TC2N: variants seen among roughly 807,000 people sequenced by gnomAD.
The protein encoded by TC2N is tandem C2 domains nuclear protein.
Under a neutral mutation model 61.9 loss-of-function variants are expected in TC2N, and 51 were observed. That is an observed-to-expected ratio of 0.82 (90% confidence interval 0.66 to 1.04). The LOEUF (loss-of-function observed/expected upper bound fraction) is 1.04. Ranked by LOEUF, TC2N falls within the 50% of genes least tolerant of loss-of-function variation. TC2N has a pLI of 0.00. For missense variants in TC2N, 556 were observed against 566.7 expected (o/e 0.98, Z 0.19); for synonymous variants, 204 against 192.6 (o/e 1.06, Z -0.49).
At chr14:91,846,617 C>G (rs909490138) in intron 1 of TC2N, among the ~76,000 whole-genome samples, 1 of 152,204 alleles carries the variant, frequency 6.6e-6, no homozygotes, top group Non-Finnish European at 1.5e-5. Context: ...AGCATCCTCG[C>G]TTTGATTCCA....
At chr14:91,836,820 G>C (rs192547286) in intron 1 of TC2N, among the ~76,000 whole-genome samples, 34 of 152,320 alleles carry the variant, frequency 2.2e-4, no homozygotes, top group Admixed American at 2.0e-3. Context: ...GCGGTAGGAG[G>C]GGGAAGAGAG....
At chr14:91,797,601 A>G (rs1885959968) in intron 8 of TC2N, among the ~76,000 whole-genome samples, 184 bp downstream of exon 8, 1 of 151,960 alleles carries the variant, frequency 6.6e-6, no homozygotes, top group South Asian at 2.1e-4. Flanking sequence ...ATGCATCTTA[A>G]TACTAGACAA....
intron 1 of TC2N, among the ~76,000 whole-genome samples, chr14:91,814,769 G>T (rs183079294): frequency 7.6e-4 from 116 of 151,726 alleles, no homozygotes; most frequent in African/African-American, 2.6e-3. Flanking sequence ...AAGAGAAATA[G>T]GTTGAATAGC....
chr14:91,802,439 T>C lies in TC2N; in HGVS notation c.302-18A>G. 1.2e-6 allele frequency: 2 copies of C among 1,607,396 alleles called. No homozygotes were observed. The highest frequency in any genetic ancestry group is 1.7e-6 in the Non-Finnish European group (2 of 1,177,640). On this transcript the variant is annotated intron_variant, in intron 3 of 11. Coordinates refer to ENST00000435962, the MANE Select transcript of TC2N (RefSeq NM_001128596.3). ...GGCAGATCCTGAAAGCAAATGTTTCTAAAAGTTTATAACATCCTTTTCTTG... is the reference window on the plus strand; with the variant it reads ...GGCAGATCCTGAAAGCAAATGTTTCCAAAAGTTTATAACATCCTTTTCTTG...
chr14:91,867,416 C>G lies in TC2N; in HGVS notation c.-211G>C, dbSNP rs1401333851. On this transcript the variant is annotated 5_prime_UTR_variant, in exon 1 of 12. Coordinates refer to ENST00000435962, the MANE Select transcript of TC2N (RefSeq NM_001128596.3). ...GCTCACTGCTGCCTTCTGGCCTTTG[C>G]TTTTCGGAGCCGAGCTGAGTGAGTC... 1 of 152,180 alleles carries G rather than the reference C, an allele frequency of 6.6e-6. No individual in the cohort carries two copies. The highest frequency in any genetic ancestry group is 6.5e-5 in the Admixed American group (1 of 15,284). 9.4% of individuals were successfully genotyped at this position (152,180 alleles called of 1,614,324 possible). A position where few individuals can be genotyped will look rare whatever the true frequency, so the allele number is the denominator to read the frequency against.
chr14:91,834,871 T>C (rs1466011109), intron 1 of TC2N, among the ~76,000 whole-genome samples: 1 of 152,162 alleles, frequency 6.6e-6, no homozygotes, highest in African/African-American at 2.4e-5. Context: ...CTTCTTACAC[T>C]ATACTTACTT....
chr14:91,858,983 C>T (rs1051494366), intron 1 of TC2N, among the ~76,000 whole-genome samples: 4 of 152,154 alleles, frequency 2.6e-5, no homozygotes, highest in African/African-American at 4.8e-5. Context: ...AACAGCCAAA[C>T]GAAGATGAAA....
At chr14:91,806,498 G>A (rs1308739203) in intron 3 of TC2N, among the ~76,000 whole-genome samples, 1 of 152,174 alleles carries the variant, frequency 6.6e-6, no homozygotes, top group African/African-American at 2.4e-5. Context: ...TAGAGATGAG[G>A]AACTTGTTGG....
intron 8 of TC2N, among the ~76,000 whole-genome samples, chr14:91,797,230 T>A (rs1885942203): frequency 6.6e-6 from 1 of 152,094 alleles, no homozygotes; most frequent in African/African-American, 2.4e-5. Context: ...ACTTTTTATA[T>A]GTTTATTAGT....
chr14:91,850,317 A>G (rs1213016379), intron 1 of TC2N, among the ~76,000 whole-genome samples: 1 of 152,176 alleles, frequency 6.6e-6, no homozygotes. Context: ...AAAGCCTAGG[A>G]CAGTATAGTA....
chr14:91,855,350 G>T (rs1009740069), intron 1 of TC2N, among the ~76,000 whole-genome samples: 2 of 152,312 alleles, frequency 1.3e-5, no homozygotes, highest in East Asian at 1.9e-4. Flanking sequence ...CAAAATCAAG[G>T]AGTCAGCAGG....
At chr14:91,858,155 T>C (rs67511381) in intron 1 of TC2N, among the ~76,000 whole-genome samples, 34 of 40,602 alleles carry the variant, frequency 8.4e-4, no homozygotes, top group South Asian at 1.1e-3. Context: ...TCTTCTTCTT[T>C]TTTTTTTTTT....
Position 91,837,848 on chromosome 14 carries a change from GT to G in TC2N, c.-56-24024del. Among the ~76,000 whole-genome samples, 1 of 152,302 alleles carries G rather than the reference GT, an allele frequency of 6.6e-6. No individual in the cohort carries two copies. Among genetic ancestry groups the G allele is most frequent in the East Asian group, 1.9e-4 (1 of 5,178 alleles). On this transcript the variant is annotated intron_variant, in intron 1 of 11. Transcript: ENST00000435962. The surrounding 1 kb of genome is among the most constrained non-coding windows in gnomAD (Gnocchi z 4.2). ...GGCCTGTTTCCAATCTTGGGCATTA[GT>G]GTTTCAACAAACACTTTGAAAACCA...
At chr14:91,787,962 T>G (rs772187380) in intron 9 of TC2N, among the ~76,000 whole-genome samples, 1 of 152,046 alleles carries the variant, frequency 6.6e-6, no homozygotes, top group South Asian at 2.1e-4. Context: ...GAATACACTT[T>G]CAAAACAACT....
chr14:91,820,423 T>C (rs1887192386), intron 1 of TC2N, among the ~76,000 whole-genome samples: 1 of 151,770 alleles, frequency 6.6e-6, no homozygotes, highest in African/African-American at 2.4e-5. Flanking sequence ...CCAATATTCG[T>C]GATAAAAATA....
rs377422447 is a variant in TC2N, at chr14:91,792,439, T to G, written c.975A>C (p.Ser325=). 44 of 1,611,168 alleles carry G rather than the reference T, an allele frequency of 2.7e-5. No individual in the cohort carries two copies. Among genetic ancestry groups the G allele is most frequent in the Non-Finnish European group, 3.3e-5 (39 of 1,178,132 alleles). ...TPRKKTIGEC[S]MSLRTLSTQE... is the part of the protein sequence containing the mutation. ...GTGTGCTAAGGGTTCTGAGTGACATTGAGCATTCTCCAATGGTTTTCTTCC... is the reference window on the plus strand; with the variant it reads ...GTGTGCTAAGGGTTCTGAGTGACATGGAGCATTCTCCAATGGTTTTCTTCC... Residue 325 remains serine, a synonymous_variant, in exon 9 of 12, where the codon TCA becomes TCC. Coordinates refer to ENST00000435962, the MANE Select transcript of TC2N (RefSeq NM_001128596.3).
rs758523553 is a variant in TC2N, at chr14:91,792,572, C to A, written c.856-14G>T. The A allele has an allele frequency of 5.4e-4, 686 of 1,260,686 alleles. No individual in the cohort carries two copies. Among genetic ancestry groups the A allele is most frequent in the Non-Finnish European group, 6.7e-4 (619 of 918,754 alleles). The allele number at this position is 1,260,686 out of a possible 1,614,324, so 78.1% of individuals were successfully genotyped here. The stretch of plus-strand genomic sequence containing the variant: ...AAATTCAATAGCCTTAAAAAAAAAA[C>A]AAGAAAACATAAAATATATAAATAA... On this transcript the variant is annotated splice_polypyrimidine_tract_variant and intron_variant, in intron 8 of 11. Transcript: ENST00000435962.
At chr14:91,834,803 C>G (rs957167448) in intron 1 of TC2N, among the ~76,000 whole-genome samples, 9 of 152,166 alleles carry the variant, frequency 5.9e-5, no homozygotes, top group Admixed American at 5.9e-4. Context: ...TCCTCAGACT[C>G]CTTGGCTGTC....
At chr14:91,809,650 G>T (rs1039911756) in intron 3 of TC2N, among the ~76,000 whole-genome samples, 2 of 152,084 alleles carry the variant, frequency 1.3e-5, no homozygotes, top group African/African-American at 4.8e-5. Context: ...CATCAAAGTT[G>T]GCAACACGCA....
Sources: allele counts gnomAD v4.1 joint callset (sites outside exome capture counted in the v4.1 genomes callset), GRCh38; gene constraint gnomAD v4.1.1; non-coding constraint Gnocchi (gnomAD v3.1); transcripts MANE v1.5; gene names NCBI Gene and HGNC (gene_info 2026-07-23, HGNC 2026-07-21).